Variants in JARID2 observed in about 807,000 individuals in gnomAD.
The protein encoded by JARID2 is protein Jumonji.
A neutral mutation model predicts 125.6 loss-of-function variants in JARID2; 21 were observed. The observed-to-expected ratio is 0.17, with a 90% CI of 0.12 to 0.24. The LOEUF (loss-of-function observed/expected upper bound fraction) is 0.24. Ranked by LOEUF, JARID2 falls within the 10% of genes least tolerant of loss-of-function variation. JARID2 has a pLI of 1.00. For missense variants in JARID2, 1,303 were observed against 1,639.6 expected (o/e 0.79, Z 3.55); for synonymous variants, 736 against 661.6 (o/e 1.11, Z -1.73).
chr6:15,397,275 C>T (rs747018879), intron 2 of JARID2, among the ~76,000 whole-genome samples: 13 of 152,186 alleles, frequency 8.5e-5, no homozygotes, highest in Admixed American at 2.6e-4. Flanking sequence ...GTCAATACTA[C>T]GTAATTTCAT....
At chr6:15,251,834 C>T (rs944968339) in intron 1 of JARID2, among the ~76,000 whole-genome samples, 2 of 152,038 alleles carry the variant, frequency 1.3e-5, no homozygotes, top group African/African-American at 2.4e-5. Context: ...AAAAATTACC[C>T]GGGCATGGTG....
chr6:15,402,807 T>G (rs536348170), intron 2 of JARID2, among the ~76,000 whole-genome samples: 1 of 152,210 alleles, frequency 6.6e-6, no homozygotes, highest in Non-Finnish European at 1.5e-5. Context: ...TTCCAGGGAT[T>G]TATATTTTGG....
intron 2 of JARID2, among the ~76,000 whole-genome samples, chr6:15,386,813 T>C (rs1184025255): frequency 6.6e-6 from 1 of 152,140 alleles, no homozygotes; most frequent in Non-Finnish European, 1.5e-5. Flanking sequence ...GCTCCAGAAG[T>C]GGCTTATGTA....
At chr6:15,418,027 T>C (rs984915290) in intron 3 of JARID2, among the ~76,000 whole-genome samples, 2 of 152,108 alleles carry the variant, frequency 1.3e-5, no homozygotes, top group African/African-American at 4.8e-5. Context: ...GGAAGGACCC[T>C]GTGGTGTATG....
intron 1 of JARID2, among the ~76,000 whole-genome samples, chr6:15,335,350 T>A (rs940074731): frequency 6.6e-6 from 1 of 152,182 alleles, no homozygotes; most frequent in Non-Finnish European, 1.5e-5. Flanking sequence ...TCTGCCCACT[T>A]CGGCCACCCA....
At chr6:15,319,107 T>G (rs944405973) in intron 1 of JARID2, among the ~76,000 whole-genome samples, 6 of 152,242 alleles carry the variant, frequency 3.9e-5, no homozygotes, top group African/African-American at 1.4e-4. Flanking sequence ...CTTTTATGGC[T>G]TATTCACTTT....
chr6:15,485,688 G>A (rs1025397729), intron 5 of JARID2, among the ~76,000 whole-genome samples: 2 of 152,190 alleles, frequency 1.3e-5, no homozygotes, highest in Non-Finnish European at 2.9e-5. Flanking sequence ...GGTAGGTTAA[G>A]CACGAAAGCA....
At chr6:15,484,448 C>CT (rs1281546015) in intron 5 of JARID2, among the ~76,000 whole-genome samples, 11 of 152,334 alleles carry the variant, frequency 7.2e-5, no homozygotes, top group African/African-American at 2.6e-4. Flanking sequence ...TCTTTATACT[C>CT]TGTCTGCAGG....
intron 3 of JARID2, among the ~76,000 whole-genome samples, chr6:15,418,006 A>AT (rs1253568859): frequency 6.6e-6 from 1 of 152,024 alleles, no homozygotes; most frequent in East Asian, 1.9e-4. Flanking sequence ...TTTTGAAGTT[A>AT]TTGAGTCACG....
At chr6:15,354,082 T>C (rs1763518283) in intron 1 of JARID2, among the ~76,000 whole-genome samples, 1 of 152,148 alleles carries the variant, frequency 6.6e-6, no homozygotes, top group South Asian at 2.1e-4. Context: ...TAAAAGGGAT[T>C]TTGCAGCTGG....
chr6:15,471,199 T>C (rs1769059442), intron 5 of JARID2, among the ~76,000 whole-genome samples: 1 of 152,210 alleles, frequency 6.6e-6, no homozygotes, highest in Non-Finnish European at 1.5e-5. Flanking sequence ...CTTTATAATC[T>C]TTTGAGTTTG....
chr6:15,343,649 C>T (rs1763147644), intron 1 of JARID2, among the ~76,000 whole-genome samples: 1 of 152,064 alleles, frequency 6.6e-6, no homozygotes, highest in South Asian at 2.1e-4. Context: ...TCACTGTGTC[C>T]CCCAACATTG....
chr6:15,507,043 C>T, intron 9 of JARID2, 93 bp from the exon 10 acceptor site: 1 of 783,310 alleles, frequency 1.3e-6, no homozygotes, highest in Non-Finnish European at 2.3e-6. Flanking sequence ...GTGTGTGCAC[C>T]AGGCATTCGT....
rs145306271 is a variant in JARID2, at chr6:15,450,886, G to A, written c.324-1120G>A. Among the ~76,000 whole-genome samples, 1,097 of 152,328 alleles carry A rather than the reference G, an allele frequency of 7.2e-3. 13 individuals are homozygous for A. The highest frequency in any genetic ancestry group is 0.025 in the African/African-American group (1,044 of 41,568). Reference sequence around the variant, plus strand: ...AACTGGGCTGGGTGTGGTGGCTCACGCCTGTAATCCCAACACTTTGGAAGG... The same window carrying A: ...AACTGGGCTGGGTGTGGTGGCTCACACCTGTAATCCCAACACTTTGGAAGG... On this transcript the variant is annotated intron_variant, in intron 3 of 17. Transcript: ENST00000341776.
intron 1 of JARID2, among the ~76,000 whole-genome samples, chr6:15,274,389 G>T (rs925971857): frequency 1.3e-5 from 2 of 152,016 alleles, no homozygotes; most frequent in African/African-American, 4.8e-5. Flanking sequence ...TAGAGAAATG[G>T]GATTGTTTTT....
chr6:15,500,842 T>C, intron 7 of JARID2, 65 bp from the exon 8 acceptor site: 2 of 1,399,834 alleles, frequency 1.4e-6, no homozygotes, highest in Non-Finnish European at 2.0e-6. Flanking sequence ...ACAGGTTGAA[T>C]GAGGAACATC....
chr6:15,513,506 G>GCTCT (rs1771382204), intron 16 of JARID2, 84 bp downstream of exon 16: 1 of 1,323,790 alleles, frequency 7.6e-7, no homozygotes, highest in African/African-American at 1.5e-5. Context: ...GAGGGAGGGC[G>GCTCT]CTCTCTGCCC....
At position 15,413,829 on chromosome 6, in the gene JARID2, C is replaced by G. The variant is rs564094170; in HGVS notation, c.323+3464C>G. Among the ~76,000 whole-genome samples the G allele has an allele frequency of 3.3e-5, 5 of 152,222 alleles. No individual in the cohort carries two copies. In the South Asian group the frequency reaches 6.2e-4, roughly 19 times the overall value. On this transcript the variant is annotated intron_variant, in intron 3 of 17. Transcript: ENST00000341776. ...CTAGATAGTGACATTATTCCGTTCA[C>G]GAGGGCAGATCCCTCATGATGTAAT... is the stretch of plus-strand genomic sequence containing the variant.
intron 3 of JARID2, among the ~76,000 whole-genome samples, chr6:15,444,934 G>A (rs1031089175): frequency 3.9e-5 from 6 of 151,966 alleles, no homozygotes; most frequent in African/African-American, 4.8e-5. Flanking sequence ...ACTTTAAGCC[G>A]CCTGGTCCCC....
Sources: allele counts gnomAD v4.1 joint callset (sites outside exome capture counted in the v4.1 genomes callset), GRCh38; gene constraint gnomAD v4.1.1; transcripts MANE v1.5; gene names NCBI Gene and HGNC (gene_info 2026-07-23, HGNC 2026-07-21).